Variants in CELSR1 observed in about 807,000 individuals in gnomAD.
CELSR1 encodes the protein cadherin EGF LAG seven-pass G-type receptor 1.
CELSR1 carries 110 observed loss-of-function variants against 249.1 expected under a neutral mutation model. The observed-to-expected ratio is 0.44, with a 90% CI of 0.38 to 0.52. CELSR1 has a LOEUF of 0.52. CELSR1 is among the 20% of genes least tolerant of loss of function. CELSR1 has a pLI of 0.00. For synonymous variants in CELSR1, 2,113 were observed against 1,900.0 expected (o/e 1.11, Z -2.92); for missense variants, 4,109 against 4,296.4 (o/e 0.96, Z 1.22).
In CELSR1 at chr22:46,391,349, G is replaced by A. The variant is rs1303430823; in HGVS notation, c.6149-62C>T. On this transcript the variant is annotated intron_variant, in intron 15 of 34. Coordinates refer to ENST00000674500, the MANE Select transcript of CELSR1 (RefSeq NM_001378328.1). This position sits in a 1 kb window ranked among gnomAD's most constrained non-coding sequence, Gnocchi z 4.3. The stretch of plus-strand genomic sequence containing the variant: ...ACGCCACACCCACGACCACAAACAG[G>A]CACCACTGTCTGCATGCGCCTCCCT... 1.0e-5 allele frequency: 15 copies of A among 1,452,388 alleles called. No individual in the cohort carries two copies. Among genetic ancestry groups the A allele is most frequent in the Admixed American group, 1.8e-5 (1 of 56,752 alleles). The allele number at this position is 1,452,388 out of a possible 1,614,324, so 90.0% of individuals were successfully genotyped here. A position where few individuals can be genotyped will look rare whatever the true frequency, so the allele number is the denominator to read the frequency against.
chr22:46,399,631 G>GCAAT lies in CELSR1; in HGVS notation c.5412+85_5412+86insATTG. ...CCCCAAATCCACAAGGTCTCTGGTG[G>GCAAT]GTCCTGGCACGTCAAGGGGTCATTC... is the stretch of plus-strand genomic sequence containing the variant. On this transcript the variant is annotated intron_variant, in intron 10 of 34. Coordinates refer to ENST00000674500, the MANE Select transcript of CELSR1 (RefSeq NM_001378328.1). This position sits in a 1 kb window ranked among gnomAD's most constrained non-coding sequence, Gnocchi z 5.0. The GCAAT allele has an allele frequency of 7.3e-7, 1 of 1,377,904 alleles. No homozygotes were observed. Among genetic ancestry groups the GCAAT allele is most frequent in the Admixed American group, 1.8e-5 (1 of 56,008 alleles). 85.4% of individuals were successfully genotyped at this position (1,377,904 alleles called of 1,614,324 possible).
rs1906482237 is a variant in CELSR1 at position 46,446,910 on chromosome 22, T to C, written c.4184-7499A>G. Reference sequence around the variant, plus strand: ...GGGGAAGGTCCTGTCCCTGTGTTCCTTAGGGCTGACTCCTAGCACAGAGCC... The same window carrying C: ...GGGGAAGGTCCTGTCCCTGTGTTCCCTAGGGCTGACTCCTAGCACAGAGCC... On this transcript the variant is annotated intron_variant, in intron 2 of 34. Coordinates refer to ENST00000674500, the MANE Select transcript of CELSR1 (RefSeq NM_001378328.1). This position sits in a 1 kb window ranked among gnomAD's most constrained non-coding sequence, Gnocchi z 5.5. 6.6e-6 allele frequency among the ~76,000 whole-genome samples: 1 copy of C among 152,168 alleles called. No homozygotes were observed. The highest frequency in any genetic ancestry group is 1.5e-5 in the Non-Finnish European group (1 of 68,028).
intron 9 of CELSR1, among the ~76,000 whole-genome samples, chr22:46,404,446 G>A (rs2223513): frequency 3.9e-5 from 6 of 152,046 alleles, no homozygotes; most frequent in African/African-American, 7.2e-5. Context: ...AAAAGAAAAC[G>A]CTACATGCTT....
chr22:46,531,661 C>T (rs2080793519), intron 1 of CELSR1, among the ~76,000 whole-genome samples: 1 of 152,214 alleles, frequency 6.6e-6, no homozygotes, highest in South Asian at 2.1e-4. Flanking sequence ...ACTGGCTGTG[C>T]AGTCCTGAGA....
intron 1 of CELSR1, among the ~76,000 whole-genome samples, chr22:46,495,127 AC>A (rs1211341239): frequency 6.6e-6 from 1 of 152,122 alleles, no homozygotes; most frequent in Non-Finnish European, 1.5e-5. Flanking sequence ...CTAGGCTTAG[AC>A]CCAGCTGGTA....
At position 46,488,627 on chromosome 22, in the gene CELSR1, C is replaced by T. The variant is rs1012639773; in HGVS notation, c.3545-24282G>A. Among the ~76,000 whole-genome samples the T allele has an allele frequency of 1.1e-4, 16 of 151,650 alleles. No individual in the cohort carries two copies. Among genetic ancestry groups the T allele is most frequent in the Non-Finnish European group, 1.8e-4 (12 of 67,948 alleles). ...AAGTCCCCAGAAGCAGCAGTTTCTA[C>T]GGCACAGCAGTGACCACTCCCGTGC... On this transcript the variant is annotated intron_variant, in intron 1 of 34. Transcript: ENST00000674500. This position sits in a 1 kb window ranked among gnomAD's most constrained non-coding sequence, Gnocchi z 4.7.
At position 46,445,399 on chromosome 22, in the gene CELSR1, C is replaced by G. The variant is rs774979966; in HGVS notation, c.4184-5988G>C. Among the ~76,000 whole-genome samples the G allele has an allele frequency of 1.3e-5, 2 of 152,142 alleles. No individual in the cohort carries two copies. The highest frequency in any genetic ancestry group is 2.9e-5 in the Non-Finnish European group (2 of 68,032). On this transcript the variant is annotated intron_variant, in intron 2 of 34. Transcript: ENST00000674500. The surrounding 1 kb of genome is among the most constrained non-coding windows in gnomAD (Gnocchi z 4.4). ...GTCCCAGCTACTAGGCAGGCTGAGG[C>G]AGGAGAATCTCTTGAATCCAGGAGG...
chr22:46,391,913 G>T lies in CELSR1; in HGVS notation c.5965-97C>A, dbSNP rs756713978. The T allele has an allele frequency of 3.7e-5, 49 of 1,326,634 alleles. No individual in the cohort carries two copies. The highest frequency in any genetic ancestry group is 4.9e-5 in the Non-Finnish European group (48 of 974,252). The allele number at this position is 1,326,634 out of a possible 1,614,324, so 82.2% of individuals were successfully genotyped here. A position where few individuals can be genotyped will look rare whatever the true frequency, so the allele number is the denominator to read the frequency against. ...GAGCGACGTCCAGACTCCCACCCGG[G>T]TGTGTGTGTTGGCCGCCAGCCATCC... On this transcript the variant is annotated intron_variant, in intron 14 of 34. Coordinates refer to ENST00000674500, the MANE Select transcript of CELSR1 (RefSeq NM_001378328.1). The surrounding 1 kb of genome is among the most constrained non-coding windows in gnomAD (Gnocchi z 4.3).
In CELSR1 at chr22:46,523,262, C is replaced by T. The variant is rs542642401; in HGVS notation, c.3544+10365G>A. Among the ~76,000 whole-genome samples the T allele has an allele frequency of 2.6e-5, 4 of 152,312 alleles. No individual in the cohort carries two copies. The South Asian group carries it at 6.2e-4, about 24-fold the overall frequency. ...GAAAAATCTTAGCCTGGTGCAGTGGCTGATGCCTGTAATCCCAGCACTTTG... is the reference window on the plus strand; with the variant it reads ...GAAAAATCTTAGCCTGGTGCAGTGGTTGATGCCTGTAATCCCAGCACTTTG... On this transcript the variant is annotated intron_variant, in intron 1 of 34. Coordinates refer to ENST00000674500, the MANE Select transcript of CELSR1 (RefSeq NM_001378328.1).
intron 9 of CELSR1, among the ~76,000 whole-genome samples, chr22:46,404,185 G>A (rs1207053626): frequency 6.6e-6 from 1 of 151,506 alleles, no homozygotes; most frequent in Non-Finnish European, 1.5e-5. Context: ...ATCGAGGCGG[G>A]TGGGTCACCT....
intron 5 of CELSR1, among the ~76,000 whole-genome samples, chr22:46,431,422 C>T (rs2079594519): frequency 1.3e-5 from 2 of 152,208 alleles, no homozygotes; most frequent in Admixed American, 6.5e-5. Flanking sequence ...ACTCGACCTC[C>T]CCCTGCCTAC....
At chr22:46,369,393 G>GCGAA (rs2078825679) in intron 26 of CELSR1, 135 bp from the exon 27 acceptor site, 1 of 740,200 alleles carries the variant, frequency 1.4e-6, no homozygotes. Context: ...GGCCTGTGGG[G>GCGAA]CGAAGCACAC....
chr22:46,387,779 G>T (rs1383472594), intron 18 of CELSR1, among the ~76,000 whole-genome samples: 1 of 152,126 alleles, frequency 6.6e-6, no homozygotes, highest in Non-Finnish European at 1.5e-5. Flanking sequence ...CCTGCCAGGG[G>T]TTTTTCCACG....
Position 46,374,400 on chromosome 22 carries a change from A to T in CELSR1, c.7585-1343T>A, listed in dbSNP as rs1490611635. On this transcript the variant is annotated intron_variant, in intron 24 of 34. Coordinates refer to ENST00000674500, the MANE Select transcript of CELSR1 (RefSeq NM_001378328.1). This position sits in a 1 kb window ranked among gnomAD's most constrained non-coding sequence, Gnocchi z 4.3. ...AATGTACCACCTTTTCCAGAAATAG[A>T]ACAAAGACAAAAGCGGATGCATAAT... 2.0e-5 allele frequency among the ~76,000 whole-genome samples: 3 copies of T among 152,242 alleles called. No homozygotes were observed. Among genetic ancestry groups the T allele is most frequent in the Non-Finnish European group, 4.4e-5 (3 of 68,052 alleles).
intron 2 of CELSR1, among the ~76,000 whole-genome samples, chr22:46,460,202 CACACACACA>C (rs1569179852): frequency 7.6e-4 from 96 of 126,876 alleles, no homozygotes; most frequent in African/African-American, 2.9e-3. Flanking sequence ...CACACACACA[CACACACACA>C]CACACCCATT....
chr22:46,452,846 G>A (rs1459148481), intron 2 of CELSR1, among the ~76,000 whole-genome samples: 1 of 152,252 alleles, frequency 6.6e-6, no homozygotes, highest in African/African-American at 2.4e-5. Flanking sequence ...CAAGAAGACA[G>A]TGCCACTGTC....
At position 46,398,082 on chromosome 22, in the gene CELSR1, G is replaced by A. The variant is rs563866174; in HGVS notation, c.5527-234C>T. Among the ~76,000 whole-genome samples, 27 of 152,296 alleles carry A rather than the reference G, an allele frequency of 1.8e-4. 1 individual carries two copies. The South Asian group carries it at 4.6e-3, about 26-fold the overall frequency. On this transcript the variant is annotated intron_variant, in intron 11 of 34. Transcript: ENST00000674500. The surrounding 1 kb of genome is among the most constrained non-coding windows in gnomAD (Gnocchi z 7.2). ...ACGCCAGCCTGAGCTCCTGGGGTGC[G>A]CGGTGGGGGCGTGAGGAGTGGATGT...
At position 46,412,547 on chromosome 22, in the gene CELSR1, T is replaced by A. The variant is rs2079350577; in HGVS notation, c.4612-788A>T. Among the ~76,000 whole-genome samples, 3 of 152,288 alleles carry A rather than the reference T, an allele frequency of 2.0e-5. No homozygotes were observed. Among genetic ancestry groups the A allele is most frequent in the East Asian group, 3.9e-4 (2 of 5,170 alleles). ...GGCCAGGATTGGGTACAAGAGTTCT[T>A]CTGGAATCAGTGACCTTGGGTGAAA... On this transcript the variant is annotated intron_variant, in intron 5 of 34. Transcript: ENST00000674500. The surrounding 1 kb of genome is among the most constrained non-coding windows in gnomAD (Gnocchi z 4.5).
chr22:46,449,580 TG>T (rs1441493617), intron 2 of CELSR1, among the ~76,000 whole-genome samples: 1 of 152,234 alleles, frequency 6.6e-6, no homozygotes, highest in African/African-American at 2.4e-5. Flanking sequence ...ACTGCCAGCG[TG>T]GGCCATTCTT....
Sources: gnomAD v4.1 joint callset for allele counts (sites outside exome capture counted in the v4.1 genomes callset) on GRCh38, gnomAD v4.1.1 for gene constraint, Gnocchi (gnomAD v3.1) non-coding constraint, MANE v1.5 for transcripts, NCBI Gene and HGNC (gene_info 2026-07-23, HGNC 2026-07-21) for gene names.